The following KLRG1 variants were observed in gnomAD, a reference collection of about 807,000 sequenced individuals.
KLRG1 encodes killer cell lectin-like receptor subfamily G member 1.
A neutral mutation model predicts 21.8 loss-of-function variants in KLRG1; 16 were observed. The observed-to-expected ratio is 0.73, with a 90% confidence interval of 0.50 to 1.11. The LOEUF (loss-of-function observed/expected upper bound fraction) is 1.11. Among genes scored for constraint, KLRG1 ranks in the 50% most tolerant of loss-of-function variants. The pLI, the probability that KLRG1 is intolerant of heterozygous loss-of-function variation, is 0.00. For synonymous variants in KLRG1, 69 were observed against 75.9 expected, an observed-to-expected ratio of 0.91 and a Z score of 0.47; for missense variants, 173 against 218.3, an observed-to-expected ratio of 0.79 and a Z score of 1.31.
At position 9,005,410 on chromosome 12, in the gene KLRG1, A is replaced by G. The variant is rs748689532; in HGVS notation, c.358-3565A>G. Among the ~76,000 whole-genome samples, 5 of 152,342 alleles carry G rather than the reference A, an allele frequency of 3.3e-5. No individual in the cohort carries two copies. The South Asian group carries it at 6.2e-4, about 19-fold the overall frequency. On this transcript the variant is annotated intron_variant, in intron 3 of 4. Transcript: ENST00000356986. ...ATACACCATAGAATACTAATCAGCC[A>G]TGGAAAATAAAGAAATCCTGTCATT...
intron 1 of KLRG1, among the ~76,000 whole-genome samples, chr12:8,954,146 C>A (rs1023071637): frequency 6.6e-6 from 1 of 151,728 alleles, no homozygotes; most frequent in Admixed American, 6.6e-5. Context: ...CATGAATGGA[C>A]CTGGAGGACA....
chr12:8,991,367 T>A (rs1001024000), intron 1 of KLRG1, among the ~76,000 whole-genome samples: 1 of 152,210 alleles, frequency 6.6e-6, no homozygotes, highest in South Asian at 2.1e-4. Flanking sequence ...GCTCTTTTAA[T>A]AACGACAGTT....
chr12:9,151,159 G>T, the KLRG1 span, among the ~76,000 whole-genome samples: 1 of 151,996 alleles, frequency 6.6e-6, no homozygotes, highest in Non-Finnish European at 1.5e-5. Flanking sequence ...TTATTTTATG[G>T]TGACATTTTA....
chr12:9,075,162 A>G, the KLRG1 span, among the ~76,000 whole-genome samples: 2 of 152,206 alleles, frequency 1.3e-5, no homozygotes, highest in Non-Finnish European at 2.9e-5. Context: ...TCTTGTGAGG[A>G]TCACAGATCA....
At chr12:9,098,845 A>G in the KLRG1 span, 3 of 1,436,222 alleles carry the variant, frequency 2.1e-6, no homozygotes, top group South Asian at 1.3e-5. Context: ...CTCATGTACA[A>G]TGTATAACCA....
intron 3 of KLRG1, among the ~76,000 whole-genome samples, chr12:9,007,231 GA>G (rs1947498868): frequency 6.6e-6 from 1 of 152,092 alleles, no homozygotes; most frequent in Non-Finnish European, 1.5e-5. Flanking sequence ...GTCTCCACTA[GA>G]AGTGCAAAGA....
At chr12:9,051,245 C>T in the KLRG1 span, among the ~76,000 whole-genome samples, 69 of 152,050 alleles carry the variant, frequency 4.5e-4, no homozygotes, top group Non-Finnish European at 8.2e-4. Context: ...CTGCTCAGAG[C>T]TTCAGAGACT....
chr12:9,011,157 G>A (rs1361221465), downstream of KLRG1, among the ~76,000 whole-genome samples: 1 of 152,186 alleles, frequency 6.6e-6, no homozygotes, highest in Non-Finnish European at 1.5e-5. Flanking sequence ...CAGGCAGGAT[G>A]TGTGCAGACC....
chr12:9,148,825 T>G, the KLRG1 span: 2 of 647,568 alleles, frequency 3.1e-6, no homozygotes. Flanking sequence ...GATGAATGAA[T>G]GATGCAACAA....
the KLRG1 span, among the ~76,000 whole-genome samples, chr12:9,021,403 C>CCTTTT: frequency 7.3e-6 from 1 of 137,782 alleles, no homozygotes; most frequent in Non-Finnish European, 1.6e-5. Flanking sequence ...CTTTTTTACT[C>CCTTTT]TTTTTTTTTT....
chr12:9,166,295 C>A, the KLRG1 span: 1 of 1,212,356 alleles, frequency 8.2e-7, no homozygotes, highest in Admixed American at 2.4e-5. Context: ...TTTCAGTTTT[C>A]CTGCTCAGAC....
chr12:9,183,595 T>A, the KLRG1 span, among the ~76,000 whole-genome samples: 1 of 152,172 alleles, frequency 6.6e-6, no homozygotes, highest in African/African-American at 2.4e-5. Flanking sequence ...AGAGATAGGA[T>A]CTTGCTATGT....
At chr12:9,074,484 G>A in the KLRG1 span, 53 of 1,354,904 alleles carry the variant, frequency 3.9e-5, no homozygotes, top group Non-Finnish European at 4.8e-5. Flanking sequence ...TTTTCTTCTT[G>A]GATGTGTTTG....
chr12:9,164,320 A>G, the KLRG1 span: 1 of 1,537,444 alleles, frequency 6.5e-7, no homozygotes, highest in Non-Finnish European at 8.9e-7. Context: ...ACGAACACAT[A>G]GAATTGGGGC....
At chr12:9,006,989 G>A (rs898727206) in intron 3 of KLRG1, among the ~76,000 whole-genome samples, 2 of 152,176 alleles carry the variant, frequency 1.3e-5, no homozygotes, top group African/African-American at 4.8e-5. Context: ...AAATGTAAGA[G>A]ATAATTGTTT....
chr12:9,165,442 T>A, the KLRG1 span: 10 of 1,524,562 alleles, frequency 6.6e-6, no homozygotes, highest in Non-Finnish European at 9.0e-6. Flanking sequence ...TTAATATGCA[T>A]AAAGCTAACG....
chr12:8,956,807 G>A (rs1375495848), intron 1 of KLRG1, among the ~76,000 whole-genome samples: 1 of 152,200 alleles, frequency 6.6e-6, no homozygotes, highest in Non-Finnish European at 1.5e-5. Flanking sequence ...CGTTCCCTTC[G>A]TTCATATGCC....
chr12:9,021,421 GAC>G, the KLRG1 span, among the ~76,000 whole-genome samples: 2 of 119,420 alleles, frequency 1.7e-5, no homozygotes, highest in South Asian at 5.1e-4. Flanking sequence ...TTTTTTTTGA[GAC>G]ACAGTTTTGC....
chr12:9,171,055 C>T, the KLRG1 span, among the ~76,000 whole-genome samples: 1 of 152,312 alleles, frequency 6.6e-6, no homozygotes, highest in Admixed American at 6.5e-5. Flanking sequence ...CTGGGCGAGA[C>T]CTCCCAATGA....
Sources: allele counts gnomAD v4.1 joint callset (sites outside exome capture counted in the v4.1 genomes callset), GRCh38; gene constraint gnomAD v4.1.1; transcripts MANE v1.5; gene names NCBI Gene and HGNC (gene_info 2026-07-23, HGNC 2026-07-21).